Variants in CHCHD3 observed in about 807,000 individuals in gnomAD.
The protein encoded by CHCHD3 is coiled-coil-helix-coiled-coil-helix domain containing 3, also known as MICOS complex subunit MIC19.
CHCHD3 carries 20 observed loss-of-function variants against 38.2 expected under a neutral mutation model. The ratio of observed to expected loss-of-function variants is 0.52; its 90% confidence interval spans 0.37 to 0.76. CHCHD3 has a LOEUF of 0.76. CHCHD3 is among the 30% of genes least tolerant of loss of function. CHCHD3 has a pLI of 0.00. For synonymous variants in CHCHD3, 82 were observed against 100.0 expected (o/e 0.82, Z 1.07); for missense variants, 245 against 279.2 (o/e 0.88, Z 0.87).
intron 3 of CHCHD3, among the ~76,000 whole-genome samples, chr7:132,985,698 C>G (rs1389910421): frequency 2.5e-5 from 2 of 80,920 alleles, no homozygotes; most frequent in African/African-American, 4.9e-5. Flanking sequence ...GTCAGCCCCC[C>G]GCCCGGCCAG....
At chr7:133,038,968 AT>A (rs1813754511) in intron 2 of CHCHD3, among the ~76,000 whole-genome samples, 1 of 152,230 alleles carries the variant, frequency 6.6e-6, no homozygotes, top group African/African-American at 2.4e-5. Flanking sequence ...AAAATAAAAC[AT>A]TTAATAGTCC....
chr7:133,034,789 G>A (rs763257644), intron 2 of CHCHD3: 3 of 1,612,828 alleles, frequency 1.9e-6, no homozygotes, highest in East Asian at 2.2e-5. Context: ...TCCTGGCCTC[G>A]GAAGACCCAG....
At chr7:132,893,687 G>A (rs1352255271) in intron 4 of CHCHD3, among the ~76,000 whole-genome samples, 1 of 152,212 alleles carries the variant, frequency 6.6e-6, no homozygotes, top group Non-Finnish European at 1.5e-5. Context: ...GTTGGATCAT[G>A]GGGGCGGTTT....
At chr7:132,934,756 C>A (rs1326656578) in intron 4 of CHCHD3, among the ~76,000 whole-genome samples, 1 of 152,164 alleles carries the variant, frequency 6.6e-6, no homozygotes, top group Non-Finnish European at 1.5e-5. Flanking sequence ...CTAGTTCATT[C>A]TAGGCAAAGA....
At chr7:132,884,445 T>C (rs1203937539) in intron 5 of CHCHD3, among the ~76,000 whole-genome samples, 1 of 152,170 alleles carries the variant, frequency 6.6e-6, no homozygotes, top group African/African-American at 2.4e-5. Flanking sequence ...AGTACATAGC[T>C]GCTGGCACAA....
chr7:133,069,528 C>T (rs1026567062), intron 2 of CHCHD3, among the ~76,000 whole-genome samples: 1 of 152,200 alleles, frequency 6.6e-6, no homozygotes, highest in Non-Finnish European at 1.5e-5. Flanking sequence ...CAGTGCTGGA[C>T]ACATAGCTGG....
intron 6 of CHCHD3, among the ~76,000 whole-genome samples, chr7:132,827,994 G>A (rs1449226780): frequency 3.9e-5 from 6 of 152,154 alleles, no homozygotes; most frequent in Non-Finnish European, 4.4e-5. Flanking sequence ...GTGGAATACT[G>A]TCTGTTTTGT....
chr7:133,058,721 T>C (rs1198796627), intron 2 of CHCHD3, among the ~76,000 whole-genome samples: 1 of 152,168 alleles, frequency 6.6e-6, no homozygotes, highest in Non-Finnish European at 1.5e-5. Flanking sequence ...AAAAAACAAA[T>C]TGCATCTGAA....
chr7:133,056,491 G>A (rs987167002), intron 2 of CHCHD3, among the ~76,000 whole-genome samples: 1 of 152,014 alleles, frequency 6.6e-6, no homozygotes, highest in Admixed American at 6.6e-5. Context: ...TGCCCTGACC[G>A]CCCTATGCAG....
chr7:133,018,933 G>A (rs530243319), intron 3 of CHCHD3, among the ~76,000 whole-genome samples: 1 of 138,302 alleles, frequency 7.2e-6, no homozygotes, highest in Admixed American at 8.2e-5. Context: ...GCCCAGGCTG[G>A]AGTGCAGTGG....
At chr7:132,801,441 C>T (rs1806790884) in intron 6 of CHCHD3, among the ~76,000 whole-genome samples, 1 of 152,230 alleles carries the variant, frequency 6.6e-6, no homozygotes, top group South Asian at 2.1e-4. Flanking sequence ...GTCCAAACAG[C>T]TCCAAAAGCT....
chr7:132,843,800 C>G (rs1185813472), intron 5 of CHCHD3, among the ~76,000 whole-genome samples: 1 of 151,882 alleles, frequency 6.6e-6, no homozygotes, highest in Non-Finnish European at 1.5e-5. Flanking sequence ...CCCTGCAGTT[C>G]GTAGTAGGAT....
At chr7:133,027,363 A>AAGAGAGAGAGAGAGAG (rs371411456) in intron 2 of CHCHD3, among the ~76,000 whole-genome samples, 6 of 133,788 alleles carry the variant, frequency 4.5e-5, no homozygotes, top group African/African-American at 8.2e-5. Context: ...AATAAGTTGT[A>AAGAGAGAGAGAGAGAG]AGAGAGAGAG....
intron 3 of CHCHD3, among the ~76,000 whole-genome samples, chr7:133,007,156 T>A (rs992300275): frequency 3.9e-5 from 6 of 152,230 alleles, no homozygotes; most frequent in Admixed American, 2.6e-4. Flanking sequence ...ATTTTCACTT[T>A]GATCTATATT....
intron 4 of CHCHD3, among the ~76,000 whole-genome samples, chr7:132,962,847 ACT>A (rs890185287): frequency 5.3e-5 from 8 of 152,192 alleles, no homozygotes; most frequent in African/African-American, 1.9e-4. Flanking sequence ...TCTTAATACT[ACT>A]GTTTGCAAAT....
rs58976838 is a variant in CHCHD3, at chr7:132,843,891, A to C, written c.454-5422T>G. Among the ~76,000 whole-genome samples the C allele has an allele frequency of 1.1e-4, 17 of 152,254 alleles. No individual in the cohort carries two copies. In the East Asian group the frequency reaches 3.3e-3, roughly 29 times the overall value. On this transcript the variant is annotated intron_variant, in intron 5 of 7. Transcript: ENST00000262570. The stretch of plus-strand genomic sequence containing the variant: ...CTGTGCTCAAATAAGGAACAACCAC[A>C]TTCCTATTTCCAAAGAAGATGTGTA...
intron 6 of CHCHD3, among the ~76,000 whole-genome samples, chr7:132,820,751 T>C (rs1413684763): frequency 6.6e-6 from 1 of 151,402 alleles, no homozygotes; most frequent in Non-Finnish European, 1.5e-5. Flanking sequence ...AAAAAATATA[T>C]ATATGGCCCA....
intron 4 of CHCHD3, among the ~76,000 whole-genome samples, chr7:132,908,808 G>T (rs1426619748): frequency 6.6e-6 from 1 of 152,146 alleles, no homozygotes; most frequent in African/African-American, 2.4e-5. Flanking sequence ...TAGTTGTGTA[G>T]TACTTTAGAA....
At chr7:132,820,895 C>T (rs1365110102) in intron 6 of CHCHD3, among the ~76,000 whole-genome samples, 19 of 152,100 alleles carry the variant, frequency 1.2e-4, no homozygotes, top group Non-Finnish European at 2.5e-4. Context: ...TAGGTGAGAA[C>T]TATATCATGA....
Sources: gnomAD v4.1 joint callset for allele counts (sites outside exome capture counted in the v4.1 genomes callset) on GRCh38, gnomAD v4.1.1 for gene constraint, MANE v1.5 for transcripts, NCBI Gene and HGNC (gene_info 2026-07-23, HGNC 2026-07-21) for gene names.